Variants in MSI2 observed in about 807,000 individuals in gnomAD.
The protein encoded by MSI2 is RNA-binding protein Musashi homolog 2.
A neutral mutation model predicts 45.6 loss-of-function variants in MSI2; 17 were observed. That is an observed-to-expected ratio of 0.37 (90% CI 0.26 to 0.56). The LOEUF is 0.56. Among genes scored for constraint, MSI2 ranks in the 20% least tolerant of loss-of-function variants. The probability of loss-of-function intolerance (pLI) is 0.77; values close to 1 mark genes in which losing one functional copy is unlikely to be tolerated. For missense variants in MSI2, 293 were observed against 444.2 expected, an observed-to-expected ratio of 0.66 and a Z score of 3.06; for synonymous variants, 156 against 158.2, an observed-to-expected ratio of 0.99 and a Z score of 0.11.
intron 6 of MSI2, among the ~76,000 whole-genome samples, chr17:57,485,237 A>G (rs897807036): frequency 1.3e-5 from 2 of 152,200 alleles, no homozygotes; most frequent in Admixed American, 1.3e-4. Context: ...CACAGGCCAC[A>G]CTGTTGCTTT....
chr17:57,392,663 A>G (rs765846854), intron 5 of MSI2, among the ~76,000 whole-genome samples: 54 of 152,166 alleles, frequency 3.5e-4, no homozygotes, highest in Admixed American at 2.0e-4. Context: ...TTTCCTTTGA[A>G]GTTAAATTAA....
intron 10 of MSI2, among the ~76,000 whole-genome samples, chr17:57,633,452 T>C (rs1002937175): frequency 1.3e-5 from 2 of 152,178 alleles, no homozygotes; most frequent in South Asian, 2.1e-4. Flanking sequence ...CCGCCACGGC[T>C]CCCCTCTCAA....
chr17:57,502,265 G>A (rs1172310249), intron 6 of MSI2, among the ~76,000 whole-genome samples: 1 of 152,138 alleles, frequency 6.6e-6, no homozygotes, highest in Non-Finnish European at 1.5e-5. Context: ...TAAAAGATGA[G>A]TTTAACTTTT....
At chr17:57,665,514 T>C (rs1235841209) in intron 11 of MSI2, among the ~76,000 whole-genome samples, 2 of 152,204 alleles carry the variant, frequency 1.3e-5, no homozygotes, top group Admixed American at 6.5e-5. Context: ...CTCCTGTGCT[T>C]TTATAATTAT....
chr17:57,283,525 T>C (rs750601748), intron 5 of MSI2, among the ~76,000 whole-genome samples: 1 of 152,090 alleles, frequency 6.6e-6, no homozygotes, highest in Non-Finnish European at 1.5e-5. Context: ...AAAGAGCATG[T>C]GAAAATGTGT....
At chr17:57,581,093 A>G (rs2088194209) in intron 7 of MSI2, among the ~76,000 whole-genome samples, 1 of 137,714 alleles carries the variant, frequency 7.3e-6, no homozygotes, top group Non-Finnish European at 1.5e-5. Context: ...GCTCACTGCA[A>G]CCTCCACCTC....
intron 10 of MSI2, among the ~76,000 whole-genome samples, chr17:57,644,918 A>C (rs563247102): frequency 2.5e-4 from 38 of 152,256 alleles, no homozygotes; most frequent in African/African-American, 8.4e-4. Context: ...AAGGTCACCA[A>C]AATAAGTAGC....
At chr17:57,293,757 C>T (rs368510421) in intron 5 of MSI2, among the ~76,000 whole-genome samples, 10 of 151,526 alleles carry the variant, frequency 6.6e-5, no homozygotes, top group Non-Finnish European at 1.3e-4. Context: ...TACAGGCATG[C>T]GCCACCACAC....
chr17:57,550,641 C>T (rs977839029), intron 7 of MSI2, among the ~76,000 whole-genome samples: 5 of 152,148 alleles, frequency 3.3e-5, no homozygotes, highest in African/African-American at 9.7e-5. Flanking sequence ...ACGAGCTCTC[C>T]GTTTTCTTAA....
At chr17:57,690,968 A>G in the MSI2 span, among the ~76,000 whole-genome samples, 2 of 152,190 alleles carry the variant, frequency 1.3e-5, no homozygotes, top group African/African-American at 4.8e-5. Context: ...TTTTGAGTTA[A>G]CATTTATGTA....
rs188805517 is a variant in MSI2 at position 57,422,940 on chromosome 17, G to A, written c.405+21469G>A. Among the ~76,000 whole-genome samples, 41 of 152,282 alleles carry A rather than the reference G, an allele frequency of 2.7e-4. 1 individual carries two copies. Among genetic ancestry groups the A allele is most frequent in the Admixed American group, 2.7e-3 (41 of 15,302 alleles). ...GGGTTTCTTTCTTTGTCCAGAAATA[G>A]ACACTGGTCTCTGGACTGGTGACAC... On this transcript the variant is annotated intron_variant, in intron 6 of 13. Coordinates refer to ENST00000284073, the MANE Select transcript of MSI2 (RefSeq NM_138962.4).
intron 6 of MSI2, among the ~76,000 whole-genome samples, chr17:57,510,847 G>T (rs1216834047): frequency 6.6e-6 from 1 of 152,188 alleles, no homozygotes; most frequent in African/African-American, 2.4e-5. Flanking sequence ...TGTTTCTCTG[G>T]CTTTAGTCCA....
At chr17:57,534,874 G>C (rs1207002784) in intron 7 of MSI2, among the ~76,000 whole-genome samples, 4 of 152,214 alleles carry the variant, frequency 2.6e-5, no homozygotes, top group Non-Finnish European at 4.4e-5. Flanking sequence ...AGTTGTTAGA[G>C]ATGGTCTGGA....
chr17:57,546,832 T>A (rs1400969848), intron 7 of MSI2, among the ~76,000 whole-genome samples: 1 of 152,198 alleles, frequency 6.6e-6, no homozygotes, highest in Non-Finnish European at 1.5e-5. Context: ...ACGGCCACTG[T>A]GTCCTGGGCC....
chr17:57,672,067 G>A (rs1357281371), intron 11 of MSI2, among the ~76,000 whole-genome samples: 3 of 152,228 alleles, frequency 2.0e-5, no homozygotes, highest in African/African-American at 7.2e-5. Context: ...CTTATTGCCT[G>A]CTGGCTGCGC....
intron 5 of MSI2, among the ~76,000 whole-genome samples, chr17:57,380,552 C>A (rs998487931): frequency 1.3e-5 from 2 of 152,164 alleles, no homozygotes; most frequent in African/African-American, 4.8e-5. Context: ...TGTAAGTGCC[C>A]ACTGGGATTT....
intron 5 of MSI2, among the ~76,000 whole-genome samples, chr17:57,304,780 G>A (rs1033884504): frequency 6.6e-6 from 1 of 152,158 alleles, no homozygotes; most frequent in African/African-American, 2.4e-5. Context: ...CTATTTGTCA[G>A]TAGTCTTAAG....
At chr17:57,385,363 A>G (rs957355185) in intron 5 of MSI2, among the ~76,000 whole-genome samples, 2 of 152,204 alleles carry the variant, frequency 1.3e-5, no homozygotes, top group African/African-American at 2.4e-5. Flanking sequence ...CCAAAAGTTT[A>G]GTGCCTGAAA....
intron 6 of MSI2, among the ~76,000 whole-genome samples, chr17:57,445,970 C>T (rs532597441): frequency 2.6e-5 from 4 of 152,170 alleles, no homozygotes; most frequent in East Asian, 1.9e-4. Flanking sequence ...GGCACTGTTC[C>T]GGGTATTGGG....
Sources: allele counts gnomAD v4.1 joint callset (sites outside exome capture counted in the v4.1 genomes callset), GRCh38; gene constraint gnomAD v4.1.1; transcripts MANE v1.5; gene names NCBI Gene and HGNC (gene_info 2026-07-23, HGNC 2026-07-21).